The following PTPRT variants were observed in gnomAD, a reference collection of about 807,000 sequenced individuals.
PTPRT encodes receptor-type tyrosine-protein phosphatase T.
A neutral mutation model predicts 176.8 loss-of-function variants in PTPRT; 56 were observed. The observed-to-expected ratio is 0.32, with a 90% CI of 0.26 to 0.40. The LOEUF (loss-of-function observed/expected upper bound fraction) is 0.40, where lower values mean the gene tolerates loss of function less well. PTPRT is among the 10% of genes least tolerant of loss of function. PTPRT has a pLI of 1.00. For missense variants in PTPRT, 1,540 were observed against 1,908.2 expected (o/e 0.81, Z 3.60); for synonymous variants, 783 against 739.0 (o/e 1.06, Z -0.96).
intron 1 of PTPRT, among the ~76,000 whole-genome samples, chr20:43,146,655 T>G (rs6072999): frequency 0.94 from 143,576 of 152,162 alleles, 68,312 homozygotes; most frequent in East Asian, 1. Flanking sequence ...TGTCTGGGGG[T>G]ACTGAGCATG....
At chr20:43,167,840 G>A (rs2014894759) in intron 1 of PTPRT, among the ~76,000 whole-genome samples, 1 of 152,164 alleles carries the variant, frequency 6.6e-6, no homozygotes, top group African/African-American at 2.4e-5. Flanking sequence ...ACTATATGAG[G>A]TTGGAAACAG....
intron 1 of PTPRT, among the ~76,000 whole-genome samples, chr20:43,039,755 A>G (rs1411846489): frequency 6.6e-6 from 1 of 152,054 alleles, no homozygotes; most frequent in Non-Finnish European, 1.5e-5. Context: ...AAAGAAGAAA[A>G]CCAGGCCGGG....
chr20:42,581,373 T>C (rs1485064079), intron 7 of PTPRT, among the ~76,000 whole-genome samples: 1 of 152,226 alleles, frequency 6.6e-6, no homozygotes, highest in African/African-American at 2.4e-5. Context: ...TGCTAATTGG[T>C]TATTTTCTGT....
chr20:42,568,147 T>G (rs565358310), intron 7 of PTPRT, among the ~76,000 whole-genome samples: 1 of 152,196 alleles, frequency 6.6e-6, no homozygotes, highest in African/African-American at 2.4e-5. Context: ...TTTTGTATTT[T>G]TAGTAAAGAC....
intron 6 of PTPRT, among the ~76,000 whole-genome samples, chr20:42,748,448 T>TA (rs2076721966): frequency 6.6e-6 from 1 of 152,134 alleles, no homozygotes; most frequent in South Asian, 2.1e-4. Flanking sequence ...CCACTCCCTA[T>TA]ACAAGCACAG....
At chr20:42,535,371 T>A (rs938009827) in intron 7 of PTPRT, among the ~76,000 whole-genome samples, 11 of 152,060 alleles carry the variant, frequency 7.2e-5, no homozygotes, top group Non-Finnish European at 1.3e-4. Flanking sequence ...TCTTATAGGG[T>A]CCTACGCTTA....
At chr20:43,161,514 A>C (rs2014697050) in intron 1 of PTPRT, among the ~76,000 whole-genome samples, 1 of 152,162 alleles carries the variant, frequency 6.6e-6, no homozygotes, top group African/African-American at 2.4e-5. Flanking sequence ...CATCTTACTT[A>C]AAATTACTAA....
intron 1 of PTPRT, among the ~76,000 whole-genome samples, chr20:43,070,217 G>T (rs2011162129): frequency 1.3e-5 from 2 of 152,128 alleles, no homozygotes; most frequent in South Asian, 4.2e-4. Flanking sequence ...AGCCCCAGAT[G>T]CTGTGGGCTC....
chr20:42,369,109 C>T (rs776260954), intron 9 of PTPRT, among the ~76,000 whole-genome samples: 1 of 151,478 alleles, frequency 6.6e-6, no homozygotes, highest in Non-Finnish European at 1.5e-5. Context: ...TCCTTCCTTC[C>T]ATCCATCCGT....
intron 1 of PTPRT, among the ~76,000 whole-genome samples, chr20:42,992,396 G>A: frequency 6.6e-6 from 1 of 152,252 alleles, no homozygotes. Context: ...GGAAAATGGA[G>A]AAAAGGAGGA....
At chr20:42,350,220 T>TG (rs1469462105) in intron 11 of PTPRT, among the ~76,000 whole-genome samples, 1,429 of 51,218 alleles carry the variant, frequency 0.028, 38 homozygotes, top group African/African-American at 0.095. Flanking sequence ...TCTTGTTTTT[T>TG]TTTTTTTTTT....
intron 1 of PTPRT, among the ~76,000 whole-genome samples, chr20:43,131,639 T>G (rs949918847): frequency 2.0e-5 from 3 of 152,208 alleles, no homozygotes; most frequent in African/African-American, 7.2e-5. Flanking sequence ...ATAGGTGATT[T>G]ATTCAGACAA....
chr20:42,314,030 T>C (rs1305695010), intron 12 of PTPRT, among the ~76,000 whole-genome samples: 3 of 152,188 alleles, frequency 2.0e-5, no homozygotes, highest in South Asian at 2.1e-4. Flanking sequence ...CTGCCCAGGC[T>C]GTTCCCCACA....
At chr20:42,294,789 G>T (rs2057365202) in intron 12 of PTPRT, among the ~76,000 whole-genome samples, 1 of 151,722 alleles carries the variant, frequency 6.6e-6, no homozygotes, top group African/African-American at 2.4e-5. Flanking sequence ...AAAAGATCAG[G>T]AAAAAATAAA....
intron 11 of PTPRT, among the ~76,000 whole-genome samples, chr20:42,343,259 G>A (rs973315616): frequency 1.3e-5 from 2 of 152,140 alleles, no homozygotes; most frequent in African/African-American, 2.4e-5. Flanking sequence ...CGCCTTTCCT[G>A]GATGAAATGT....
At chr20:43,048,163 T>C (rs1351520396) in intron 1 of PTPRT, among the ~76,000 whole-genome samples, 2 of 151,528 alleles carry the variant, frequency 1.3e-5, no homozygotes, top group Non-Finnish European at 2.9e-5. Flanking sequence ...CTCCTGGGAG[T>C]TGGCTGGGCA....
intron 7 of PTPRT, among the ~76,000 whole-genome samples, chr20:42,539,441 C>T (rs1470295292): frequency 6.7e-6 from 1 of 149,554 alleles, no homozygotes; most frequent in Non-Finnish European, 1.5e-5. Context: ...TTCTTGATCT[C>T]TCATTGCTTA....
chr20:42,833,112 G>A (rs1024678139), intron 2 of PTPRT, among the ~76,000 whole-genome samples: 1 of 151,820 alleles, frequency 6.6e-6, no homozygotes, highest in Admixed American at 6.6e-5. Flanking sequence ...AAATATACGA[G>A]AGAAAACTGA....
chr20:42,939,539 T>C (rs1388529182), intron 1 of PTPRT, among the ~76,000 whole-genome samples: 1 of 152,194 alleles, frequency 6.6e-6, no homozygotes, highest in East Asian at 1.9e-4. Flanking sequence ...ATAGTTGGTG[T>C]TGAGACACTG....
Sources: allele counts gnomAD v4.1 joint callset (sites outside exome capture counted in the v4.1 genomes callset), GRCh38; gene constraint gnomAD v4.1.1; transcripts MANE v1.5; gene names NCBI Gene and HGNC (gene_info 2026-07-23, HGNC 2026-07-21).